The following SLC28A1 variants were observed in gnomAD, a reference collection of about 807,000 sequenced individuals.
The protein encoded by SLC28A1 is solute carrier family 28 member 1.
SLC28A1 carries 64 observed loss-of-function variants against 74.8 expected under a neutral mutation model. The observed-to-expected ratio is 0.86, with a 90% CI of 0.70 to 1.05. SLC28A1 has a LOEUF of 1.05. SLC28A1 is among the 50% of genes least tolerant of loss of function. The pLI is 0.00. For synonymous variants in SLC28A1, 359 were observed against 335.0 expected, an observed-to-expected ratio of 1.07 and a Z score of -0.78; for missense variants, 828 against 822.8, an observed-to-expected ratio of 1.01 and a Z score of -0.08.
chr15:84,969,690 G>C, the SLC28A1 span, among the ~76,000 whole-genome samples: 2 of 152,218 alleles, frequency 1.3e-5, no homozygotes, highest in Non-Finnish European at 2.9e-5. Flanking sequence ...GTGAGAAGCT[G>C]TAGGCGGGTG....
At chr15:84,946,068 A>ATGTGTG (rs1230655137), downstream of SLC28A1, among the ~76,000 whole-genome samples, 7 of 60,162 alleles carry the variant, frequency 1.2e-4, no homozygotes, top group Non-Finnish European at 2.2e-4. Flanking sequence ...ACATATATAT[A>ATGTGTG]TATGTGTGTG....
intron 8 of SLC28A1, among the ~76,000 whole-genome samples, chr15:84,908,139 T>C (rs1967517047): frequency 6.6e-6 from 1 of 151,744 alleles, no homozygotes. Context: ...CTTCTTCTGT[T>C]ATCTCTTCTT....
At chr15:84,886,631 G>A in intron 1 of SLC28A1, 41 bp from the exon 2 acceptor site, 1 of 985,510 alleles carries the variant, frequency 1.0e-6, no homozygotes, top group African/African-American at 1.7e-5. Flanking sequence ...GGCAGAACTG[G>A]GTGGCAGGCC....
chr15:84,885,081 C>A (rs1162658798), intron 1 of SLC28A1, among the ~76,000 whole-genome samples: 1 of 152,130 alleles, frequency 6.6e-6, no homozygotes, highest in Non-Finnish European at 1.5e-5. Context: ...GCCTCAGCCT[C>A]CCGAGTAGCT....
downstream of SLC28A1, among the ~76,000 whole-genome samples, chr15:84,946,112 A>ATATATATATATTTTTT: frequency 7.4e-5 from 1 of 13,476 alleles, no homozygotes; most frequent in African/African-American, 3.3e-4. Context: ...ATATATATAT[A>ATATATATATATTTTTT]TTTTTTTTTT....
the SLC28A1 span, among the ~76,000 whole-genome samples, chr15:84,963,632 C>T: frequency 6.6e-6 from 1 of 152,178 alleles, no homozygotes; most frequent in African/African-American, 2.4e-5. Flanking sequence ...CAGCTGCCCC[C>T]CCGAGCCTGT....
chr15:84,949,764 G>A (rs996651897), downstream of SLC28A1, among the ~76,000 whole-genome samples: 10 of 151,912 alleles, frequency 6.6e-5, no homozygotes, highest in Non-Finnish European at 1.2e-4. Context: ...TCAAATCCGA[G>A]GGCTTGCATG....
At chr15:84,906,524 G>GTTTCTTTCTTTCTTTCTTTC (rs1206034521) in intron 8 of SLC28A1, among the ~76,000 whole-genome samples, 33 of 58,772 alleles carry the variant, frequency 5.6e-4, no homozygotes, top group Non-Finnish European at 9.2e-4. Flanking sequence ...TTGTTTGTTT[G>GTTTCTTTCTTTCTTTCTTTC]TTTGTTTCTT....
intron 9 of SLC28A1, among the ~76,000 whole-genome samples, chr15:84,912,799 C>CGT (rs1567150685): frequency 4.3e-4 from 24 of 56,108 alleles, no homozygotes; most frequent in Non-Finnish European, 1.1e-3. Flanking sequence ...CCAAATTTTG[C>CGT]GCGCGCGCAC....
At position 84,911,767 on chromosome 15, in the gene SLC28A1, G is replaced by C. The variant is rs558395067; in HGVS notation, c.795+2972G>C. Among the ~76,000 whole-genome samples the C allele has an allele frequency of 2.7e-5, 4 of 150,090 alleles. No individual in the cohort carries two copies. The South Asian group carries it at 8.4e-4, about 32-fold the overall frequency. Reference sequence around the variant, plus strand: ...CCAGCTACCCAGGAGGCTGAGGCAGGAGAATGACTTGAACCTGGGAGACGG... The same window carrying C: ...CCAGCTACCCAGGAGGCTGAGGCAGCAGAATGACTTGAACCTGGGAGACGG... On this transcript the variant is annotated intron_variant, in intron 9 of 18. Transcript: ENST00000394573.
At chr15:84,895,885 G>A (rs1299658598) in intron 6 of SLC28A1, 2 of 1,026,324 alleles carry the variant, frequency 1.9e-6, no homozygotes, top group Non-Finnish European at 2.3e-6. Flanking sequence ...GGATGCAGGG[G>A]TACAGGGGTG....
At chr15:84,924,910 G>T (rs62829465) in intron 12 of SLC28A1, among the ~76,000 whole-genome samples, 47,089 of 144,842 alleles carry the variant, frequency 0.33, 8,274 homozygotes, top group South Asian at 0.52. Flanking sequence ...TTTTTTGTTT[G>T]TTTGTTTTTG....
chr15:84,895,454 C>A (rs1210430596), intron 6 of SLC28A1: 1 of 1,613,096 alleles, frequency 6.2e-7, no homozygotes, highest in Admixed American at 1.7e-5. Context: ...AGACAAAAAG[C>A]CGCAGGGACC....
rs144555019 is a variant in SLC28A1, at chr15:84,911,098, G to A, written c.795+2303G>A. Among the ~76,000 whole-genome samples the A allele has an allele frequency of 9.9e-4, 151 of 152,324 alleles. 1 individual carries two copies. Among genetic ancestry groups the A allele is most frequent in the Admixed American group, 2.3e-3 (35 of 15,300 alleles). On this transcript the variant is annotated intron_variant, in intron 9 of 18. Coordinates refer to ENST00000394573, the MANE Select transcript of SLC28A1 (RefSeq NM_004213.5). ...AAAAGCAGGGGAAGAGGTGCCCGGC[G>A]GGCCACGCAGCTGCTGTCCGCCAGA...
At chr15:84,895,460 G>A in intron 6 of SLC28A1, 1 of 1,612,788 alleles carries the variant, frequency 6.2e-7, no homozygotes, top group Middle Eastern at 1.8e-4. Context: ...AAAGCCGCAG[G>A]GACCATCCCT....
At chr15:84,960,289 T>C in the SLC28A1 span, among the ~76,000 whole-genome samples, 1 of 127,878 alleles carries the variant, frequency 7.8e-6, no homozygotes, top group East Asian at 2.6e-4. Context: ...AAGGTCTTGC[T>C]CTGTCGCCCA....
chr15:84,895,601 C>G, intron 6 of SLC28A1: 1 of 1,498,522 alleles, frequency 6.7e-7, no homozygotes, highest in Middle Eastern at 2.4e-4. Flanking sequence ...AACTGGATTC[C>G]TTGGAGCGCT....
intron 11 of SLC28A1, among the ~76,000 whole-genome samples, chr15:84,923,622 A>G (rs569796194): frequency 3.3e-5 from 5 of 152,218 alleles, no homozygotes; most frequent in Admixed American, 2.0e-4. Flanking sequence ...ATCCTTTTAC[A>G]TGAGCAGGGG....
In SLC28A1 at chr15:84,920,705, T is replaced by TGTGTGTGTGTGTGTGTGTGC. The variant is rs1322463648; in HGVS notation, c.877-283_877-264dup. On this transcript the variant is annotated intron_variant, in intron 10 of 18. Transcript: ENST00000394573. ...ATGTGTATTGGTAATCTCCAAGGGGTGTGTGTGTGTGTGTGTGTGCATTTC... is the reference window on the plus strand; with the variant it reads ...ATGTGTATTGGTAATCTCCAAGGGGTGTGTGTGTGTGTGTGTGTGCGTGTGTGTGTGTGTGTGTGCATTTC... Among the ~76,000 whole-genome samples, 19 of 149,058 alleles carry TGTGTGTGTGTGTGTGTGTGC rather than the reference T, an allele frequency of 1.3e-4. No individual in the cohort carries two copies. In the East Asian group the frequency reaches 3.7e-3, roughly 29 times the overall value.
Sources: gnomAD v4.1 joint callset for allele counts (sites outside exome capture counted in the v4.1 genomes callset) on GRCh38, gnomAD v4.1.1 for gene constraint, MANE v1.5 for transcripts, NCBI Gene and HGNC (gene_info 2026-07-23, HGNC 2026-07-21) for gene names.